LTBP2: variants seen among roughly 807,000 people sequenced by gnomAD.
LTBP2 encodes latent-transforming growth factor beta-binding protein 2.
LTBP2 carries 103 observed loss-of-function variants against 210.6 expected under a neutral mutation model. That is an observed-to-expected ratio of 0.49 (90% CI 0.42 to 0.58). The LOEUF (loss-of-function observed/expected upper bound fraction) is 0.58. LTBP2 is among the 20% of genes least tolerant of loss of function. The probability of loss-of-function intolerance (pLI) is 0.00; values close to 1 mark genes in which losing one functional copy is unlikely to be tolerated. For missense variants in LTBP2, 2,313 were observed against 2,494.5 expected (o/e 0.93, Z 1.55); for synonymous variants, 1,007 against 1,015.0 (o/e 0.99, Z 0.15).
chr14:74,503,167 C>G, intron 33 of LTBP2, 52 bp downstream of exon 33: 1 of 1,605,388 alleles, frequency 6.2e-7, no homozygotes, highest in South Asian at 1.1e-5. Flanking sequence ...GGGCATCCCC[C>G]TCCCTGGGGC....
At chr14:74,510,351 A>C in intron 19 of LTBP2, 138 bp from the exon 20 acceptor site, 1 of 1,277,538 alleles carries the variant, frequency 7.8e-7, no homozygotes, top group Non-Finnish European at 1.1e-6. Context: ...GGAGGCCATG[A>C]GGCCATGCTC....
intron 3 of LTBP2, among the ~76,000 whole-genome samples, chr14:74,559,543 A>G (rs2087768001): frequency 6.6e-6 from 1 of 152,074 alleles, no homozygotes; most frequent in South Asian, 2.1e-4. Flanking sequence ...CGCTGTGTGG[A>G]GGGCTGCAGG....
Position 74,552,473 on chromosome 14 carries a change from A to T in LTBP2, c.1193-80T>A, listed in dbSNP as rs1420394324. 6 of 1,357,376 alleles carry T rather than the reference A, an allele frequency of 4.4e-6. No homozygotes were observed. The East Asian group carries it at 1.2e-4, about 27-fold the overall frequency. 84.1% of individuals were successfully genotyped at this position (1,357,376 alleles called of 1,614,324 possible). The stretch of plus-strand genomic sequence containing the variant: ...TGTGGCTGGTGACCACCACAGAGAA[A>T]CAGGCGGCAGAACCCTGACCCTAGA... On this transcript the variant is annotated intron_variant, in intron 5 of 35. Transcript: ENST00000261978.
rs2086889931 is a variant in LTBP2 at position 74,499,700 on chromosome 14, CTT to C, written c.*1182_*1183del. 8.9e-6 allele frequency: 2 copies of C among 225,516 alleles called. No homozygotes were observed. Among genetic ancestry groups the C allele is most frequent in the East Asian group, 1.3e-4 (2 of 15,628 alleles). 14.0% of individuals were successfully genotyped at this position (225,516 alleles called of 1,614,324 possible). A position where few individuals can be genotyped will look rare whatever the true frequency, so the allele number is the denominator to read the frequency against. ...CACAGCCTCATCTCTAATATTTAGACTTAGCCAACATGGTAAAGAAATTTAAT... is the reference window on the plus strand; with the variant it reads ...CACAGCCTCATCTCTAATATTTAGACAGCCAACATGGTAAAGAAATTTAAT... On this transcript the variant is annotated 3_prime_UTR_variant, in exon 36 of 36. Transcript: ENST00000261978.
Position 74,500,827 on chromosome 14 carries a change from GC to G in LTBP2, c.*56del. On this transcript the variant is annotated 3_prime_UTR_variant, in exon 36 of 36. Transcript: ENST00000261978. ...TCCCAGCTAGGAAATCATCCTCAAG[GC>G]CCCTGCCTGTGACTGGAGGCCATTT... is the stretch of plus-strand genomic sequence containing the variant. The G allele has an allele frequency of 1.4e-5, 23 of 1,608,206 alleles. No homozygotes were observed. The highest frequency in any genetic ancestry group is 2.0e-5 in the Non-Finnish European group (23 of 1,176,338).
chr14:74,606,078 C>T (rs1330463539), intron 1 of LTBP2, among the ~76,000 whole-genome samples: 2 of 152,146 alleles, frequency 1.3e-5, no homozygotes, highest in Non-Finnish European at 2.9e-5. Flanking sequence ...ATAATTCAAT[C>T]ACTCTGACTC....
chr14:74,509,973 G>A (rs2087049066), intron 20 of LTBP2, 114 bp from the exon 21 acceptor site: 3 of 1,609,014 alleles, frequency 1.9e-6, no homozygotes, highest in African/African-American at 1.3e-5. Context: ...TGTTGGGTCA[G>A]TGTGAATAGG....
rs1471970602 is a variant in LTBP2, at chr14:74,611,920, T to C, written c.25A>G (p.Ser9Gly). The change falls in exon 1 of 36, where the codon AGC becomes GGC. Residue 9 changes from serine to glycine, a missense_variant. Physicochemically the swap from Ser to Gly is moderately conservative, Grantham distance 56. This residue lies in a region of LTBP2 where 1,867 missense variants were observed against 1,976.9 expected (regional missense o/e 0.94). Transcript: ENST00000261978. ...GGGTTCCGCAGGGCGCGCCCCGGGC[T>C]GCGGGCTTTGGTCCGCGGCCTCATG... is the stretch of plus-strand genomic sequence containing the variant. MRPRTKAR[S>G]PGRALRNPWR... The C allele has an allele frequency of 1.3e-6, 2 of 1,589,974 alleles. No homozygotes were observed. The highest frequency in any genetic ancestry group is 1.7e-6 in the Non-Finnish European group (2 of 1,172,140).
Position 74,551,214 on chromosome 14 carries a change from C to A in LTBP2, c.1536G>T (p.Pro512=). 1 of 1,613,328 alleles carries A rather than the reference C, an allele frequency of 6.2e-7. No homozygotes were observed. The change falls in exon 7 of 36, where the codon CCG becomes CCT. Residue 512 remains proline (P), a synonymous_variant. Coordinates refer to ENST00000261978, the MANE Select transcript of LTBP2 (RefSeq NM_000428.3). ...GGCCAGGGCTGGCAGGCAGCCAGGGCGGGGGTCTGGTCTCCACGCTGTTCT... is the reference window on the plus strand; with the variant it reads ...GGCCAGGGCTGGCAGGCAGCCAGGGAGGGGGTCTGGTCTCCACGCTGTTCT... The part of the protein sequence containing the change: ...LVENSVETRP[P]PWLPASPGHS...
intron 8 of LTBP2, among the ~76,000 whole-genome samples, chr14:74,546,631 G>GGGGCAGAGCGAGGGCAA (rs2087580063): frequency 6.6e-6 from 1 of 152,340 alleles, no homozygotes; most frequent in East Asian, 1.9e-4. Context: ...CATCTGGGAT[G>GGGGCAGAGCGAGGGCAA]GGGCAGAGCG....
intron 8 of LTBP2, among the ~76,000 whole-genome samples, chr14:74,539,858 T>G (rs1450968562): frequency 6.6e-6 from 1 of 152,030 alleles, no homozygotes; most frequent in African/African-American, 2.4e-5. Flanking sequence ...GAGGAATGAG[T>G]GAATCTCAGA....
At chr14:74,545,306 TG>T (rs1393682518) in intron 8 of LTBP2, among the ~76,000 whole-genome samples, 2 of 152,342 alleles carry the variant, frequency 1.3e-5, no homozygotes, top group Non-Finnish European at 1.5e-5. Flanking sequence ...TTAAAAATCC[TG>T]GGCTTGCAGG....
intron 10 of LTBP2, 71 bp from the exon 11 acceptor site, chr14:74,529,193 T>C (rs1418152139): frequency 6.6e-7 from 1 of 1,523,904 alleles, no homozygotes; most frequent in African/African-American, 1.4e-5. Context: ...GGGAGGGCAG[T>C]GGATGGAGGT....
chr14:74,516,415 G>C (rs997021660), intron 18 of LTBP2, among the ~76,000 whole-genome samples: 1 of 140,876 alleles, frequency 7.1e-6, no homozygotes, highest in Non-Finnish European at 1.5e-5. Flanking sequence ...AGTTGTCCAT[G>C]TATGGGCCAT....
In LTBP2 at chr14:74,511,883, A is replaced by G. The variant is rs1005153; in HGVS notation, c.2909-519T>C. ...ATATGGCCAAGACCAGCTCTGAGGC[A>G]GAGTGCAGACTGTAGGGTAGAGCTG... On this transcript the variant is annotated intron_variant, in intron 18 of 35. Coordinates refer to ENST00000261978, the MANE Select transcript of LTBP2 (RefSeq NM_000428.3). Among the ~76,000 whole-genome samples, 9 of 152,034 alleles carry G rather than the reference A, an allele frequency of 5.9e-5. 1 individual carries two copies. In the East Asian group the frequency reaches 1.5e-3, roughly 26 times the overall value.
rs374567884 is a variant in LTBP2, at chr14:74,505,137, G to A, written c.4215C>T (p.Ala1405=). 13 of 1,613,574 alleles carry A rather than the reference G, an allele frequency of 8.1e-6. No homozygotes were observed. The highest frequency in any genetic ancestry group is 1.3e-5 in the African/African-American group (1 of 74,930). ...AGCAGTCCATGCGGGTGGGGGCCGG[G>A]GCATGGTCCCCCGTTGGGGCCTCAG... ...SMSEAPTGDH[A]PAPTRMDCYS... The change falls in exon 29 of 36, where the codon GCC becomes GCT. Residue 1405 remains alanine, a synonymous_variant. Coordinates refer to ENST00000261978, the MANE Select transcript of LTBP2 (RefSeq NM_000428.3).
At chr14:74,597,381 C>T (rs182522945) in intron 2 of LTBP2, among the ~76,000 whole-genome samples, 23 of 152,276 alleles carry the variant, frequency 1.5e-4, no homozygotes, top group South Asian at 8.3e-4. Context: ...AACATTAAGA[C>T]GTCAGGTAGA....
intron 3 of LTBP2, among the ~76,000 whole-genome samples, chr14:74,578,889 C>G (rs2088098204): frequency 6.6e-6 from 1 of 152,194 alleles, no homozygotes; most frequent in South Asian, 2.1e-4. Context: ...GAGTTTTGCT[C>G]TTGTTGCCCA....
rs2088204530 is a variant in LTBP2 at position 74,586,269 on chromosome 14, C to T, written c.566-151G>A. On this transcript the variant is annotated intron_variant, in intron 2 of 35. Transcript: ENST00000261978. The surrounding 1 kb of genome is among the most constrained non-coding windows in gnomAD (Gnocchi z 4.6). ...CTCCTGGCCTCAGGGGGCTCCCTGA[C>T]CCATGTCTCTCCCACCTCCATCCAC... 2 of 815,920 alleles carry T rather than the reference C, an allele frequency of 2.5e-6. No homozygotes were observed. Among genetic ancestry groups the T allele is most frequent in the East Asian group, 2.7e-5 (1 of 37,302 alleles). 50.5% of individuals were successfully genotyped at this position (815,920 alleles called of 1,614,324 possible).
Sources: allele counts gnomAD v4.1 joint callset (sites outside exome capture counted in the v4.1 genomes callset), GRCh38; gene constraint gnomAD v4.1.1; regional missense constraint gnomAD v4.1.1; non-coding constraint Gnocchi (gnomAD v3.1); transcripts MANE v1.5; gene names NCBI Gene and HGNC (gene_info 2026-07-23, HGNC 2026-07-21).